TBC1D9: variants seen among roughly 807,000 people sequenced by gnomAD.
The protein encoded by TBC1D9 is TBC1 domain family member 9A.
In TBC1D9, 63 loss-of-function variants were observed where a neutral mutation model predicts 132.0. The observed-to-expected ratio is 0.48, with a 90% CI of 0.39 to 0.59. The LOEUF (loss-of-function observed/expected upper bound fraction) is 0.59. Among genes scored for constraint, TBC1D9 ranks in the 20% least tolerant of loss-of-function variants. The pLI is 0.00. For missense variants in TBC1D9, 1,261 were observed against 1,592.7 expected, an observed-to-expected ratio of 0.79 and a Z score of 3.54; for synonymous variants, 610 against 609.9, an observed-to-expected ratio of 1.00 and a Z score of 0.00.
At chr4:140,753,974 C>G (rs909664821) in intron 1 of TBC1D9, among the ~76,000 whole-genome samples, 2 of 152,152 alleles carry the variant, frequency 1.3e-5, no homozygotes, top group African/African-American at 4.8e-5. Flanking sequence ...GTCATAAATA[C>G]TTTTACTCAT....
chr4:140,700,984 T>C (rs1738060617), intron 2 of TBC1D9: 1 of 155,422 alleles, frequency 6.4e-6, no homozygotes, highest in South Asian at 2.0e-4. Context: ...CAGCACAGCA[T>C]TACTGATTAT....
chr4:140,723,752 T>C (rs1156515771), intron 1 of TBC1D9, among the ~76,000 whole-genome samples: 2 of 152,192 alleles, frequency 1.3e-5, no homozygotes, highest in African/African-American at 4.8e-5. Context: ...TTTTAATTCA[T>C]ATTTATTTAT....
Position 140,726,756 on chromosome 4 carries a change from T to C in TBC1D9, c.131-25142A>G, listed in dbSNP as rs1327151129. On this transcript the variant is annotated intron_variant, in intron 1 of 20. Transcript: ENST00000442267. ...ATCAGAAATGCTGTACAGAGTAACATGGCCCAAGTTCTCCTGAATTCAGCA... is the reference window on the plus strand; with the variant it reads ...ATCAGAAATGCTGTACAGAGTAACACGGCCCAAGTTCTCCTGAATTCAGCA... 2.0e-5 allele frequency among the ~76,000 whole-genome samples: 3 copies of C among 152,200 alleles called. No individual in the cohort carries two copies. The South Asian group carries it at 6.2e-4, about 31-fold the overall frequency.
At chr4:140,677,164 C>A in intron 5 of TBC1D9, 63 bp from the exon 6 acceptor site, 1 of 1,581,730 alleles carries the variant, frequency 6.3e-7, no homozygotes, top group Admixed American at 1.7e-5. Flanking sequence ...AATTATGCAG[C>A]AGCGGAAGTT....
chr4:140,751,719 T>G (rs1738926507), intron 1 of TBC1D9, among the ~76,000 whole-genome samples: 1 of 152,186 alleles, frequency 6.6e-6, no homozygotes, highest in Non-Finnish European at 1.5e-5. Flanking sequence ...AGAACATATT[T>G]TTTAAATTTC....
At chr4:140,641,370 C>A (rs1736991502) in intron 13 of TBC1D9, among the ~76,000 whole-genome samples, 1 of 152,188 alleles carries the variant, frequency 6.6e-6, no homozygotes. Flanking sequence ...TTTATCAATA[C>A]CTACTCCCCA....
chr4:140,734,665 G>A (rs970730523), intron 1 of TBC1D9, among the ~76,000 whole-genome samples: 1 of 152,102 alleles, frequency 6.6e-6, no homozygotes, highest in East Asian at 1.9e-4. Context: ...ATATGGTGGG[G>A]TGTACTGTAG....
intron 2 of TBC1D9, among the ~76,000 whole-genome samples, chr4:140,695,316 T>C (rs781775343): frequency 6.6e-6 from 1 of 152,166 alleles, no homozygotes; most frequent in Non-Finnish European, 1.5e-5. Flanking sequence ...GGCAAGACGA[T>C]AGCTGCTCTA....
At chr4:140,698,380 G>C (rs542138501) in intron 2 of TBC1D9, among the ~76,000 whole-genome samples, 1 of 152,124 alleles carries the variant, frequency 6.6e-6, no homozygotes, top group South Asian at 2.1e-4. Flanking sequence ...CCATGCCTTC[G>C]TTCATGGGCT....
chr4:140,731,565 A>T (rs1237605622), intron 1 of TBC1D9, among the ~76,000 whole-genome samples: 5 of 152,052 alleles, frequency 3.3e-5, no homozygotes, highest in Non-Finnish European at 5.9e-5. Context: ...CACCAAAATG[A>T]TTGATTCACA....
rs567803797 is a variant in TBC1D9, at chr4:140,745,594, T to C, written c.130+10322A>G. ...TCCTTAGGATTTTCTTAATAACACT[T>C]GCTTTTCTAGCTTGCTTTATAATAA... On this transcript the variant is annotated intron_variant, in intron 1 of 20. Transcript: ENST00000442267. Among the ~76,000 whole-genome samples, 11 of 152,362 alleles carry C rather than the reference T, an allele frequency of 7.2e-5. No homozygotes were observed. The East Asian group carries it at 2.1e-3, about 29-fold the overall frequency.
intron 13 of TBC1D9, chr4:140,643,824 TC>T: frequency 1.4e-6 from 1 of 735,076 alleles, no homozygotes; most frequent in Non-Finnish European, 2.3e-6. Flanking sequence ...CGCCTGGGCC[TC>T]CAACGGGCCA....
chr4:140,749,504 C>G lies in TBC1D9; in HGVS notation c.130+6412G>C, dbSNP rs113214107. Reference sequence around the variant, plus strand: ...TTAACTAAATAATACAATTAAGAGTCAAAAATTTTCAAAATTGAGTAAGAA... The same window carrying G: ...TTAACTAAATAATACAATTAAGAGTGAAAAATTTTCAAAATTGAGTAAGAA... On this transcript the variant is annotated intron_variant, in intron 1 of 20. Transcript: ENST00000442267. Among the ~76,000 whole-genome samples the G allele has an allele frequency of 4.6e-5, 7 of 152,110 alleles. 1 individual carries two copies. Among genetic ancestry groups the G allele is most frequent in the African/African-American group, 1.4e-4 (6 of 41,522 alleles).
intron 6 of TBC1D9, among the ~76,000 whole-genome samples, chr4:140,675,204 T>A (rs1405416423): frequency 6.8e-6 from 1 of 147,388 alleles, no homozygotes; most frequent in Non-Finnish European, 1.5e-5. Flanking sequence ...ACAGTGGAAC[T>A]AGGGCGGACT....
chr4:140,717,525 CAAATT>C (rs1336464548), intron 1 of TBC1D9, among the ~76,000 whole-genome samples: 1 of 152,138 alleles, frequency 6.6e-6, no homozygotes, highest in Non-Finnish European at 1.5e-5. Flanking sequence ...TTATGACTAT[CAAATT>C]AATTTATCTG....
intron 6 of TBC1D9, among the ~76,000 whole-genome samples, chr4:140,674,688 TA>T (rs1173605258): frequency 4.1e-5 from 6 of 146,594 alleles, no homozygotes; most frequent in Non-Finnish European, 4.5e-5. Context: ...TATATATATA[TA>T]TATTTTTTTT....
Position 140,706,770 on chromosome 4 carries a change from A to AT in TBC1D9, c.131-5157dup, listed in dbSNP as rs1316551694. On this transcript the variant is annotated intron_variant, in intron 1 of 20. Transcript: ENST00000442267. The surrounding 1 kb of genome is among the most constrained non-coding windows in gnomAD (Gnocchi z 4.0). The stretch of plus-strand genomic sequence containing the variant: ...TTGTCTGCAAGGTACACTGCAGCTT[A>AT]TTTTTTTCAATCAATATGTTTGTAA... Among the ~76,000 whole-genome samples, 1 of 152,066 alleles carries AT rather than the reference A, an allele frequency of 6.6e-6. No homozygotes were observed. The highest frequency in any genetic ancestry group is 1.5e-5 in the Non-Finnish European group (1 of 68,010).
chr4:140,646,373 C>A lies in TBC1D9; in HGVS notation c.2338-6945G>T, dbSNP rs182577511. On this transcript the variant is annotated intron_variant, in intron 13 of 20. Transcript: ENST00000442267. ...GACTTGCTGCACAGCACAGTAGGCA[C>A]CCAATAACTGGCTAGGGATGCCAGA... Among the ~76,000 whole-genome samples, 566 of 152,238 alleles carry A rather than the reference C, an allele frequency of 3.7e-3. 3 individuals carry two copies. The highest frequency in any genetic ancestry group is 0.013 in the African/African-American group (528 of 41,524).
At chr4:140,755,100 C>T (rs1381994316) in intron 1 of TBC1D9, among the ~76,000 whole-genome samples, 1 of 152,098 alleles carries the variant, frequency 6.6e-6, no homozygotes, top group Non-Finnish European at 1.5e-5. Context: ...AAAAAGTATT[C>T]CAGTTCTGTT....
Sources: allele counts gnomAD v4.1 joint callset (sites outside exome capture counted in the v4.1 genomes callset), GRCh38; gene constraint gnomAD v4.1.1; non-coding constraint Gnocchi (gnomAD v3.1); transcripts MANE v1.5; gene names NCBI Gene and HGNC (gene_info 2026-07-23, HGNC 2026-07-21).